The following SLX4IP variants were observed in gnomAD, a reference collection of about 807,000 sequenced individuals.
The protein encoded by SLX4IP is protein SLX4IP.
A neutral mutation model predicts 32.9 loss-of-function variants in SLX4IP; 34 were observed. The observed-to-expected ratio is 1.03, with a 90% CI of 0.79 to 1.38. The LOEUF (loss-of-function observed/expected upper bound fraction) is 1.38, where lower values mean the gene tolerates loss of function less well. SLX4IP is among the 40% of genes most tolerant of loss of function. SLX4IP has a pLI of 0.00. For missense variants in SLX4IP, 444 were observed against 479.0 expected, an observed-to-expected ratio of 0.93 and a Z score of 0.68; for synonymous variants, 172 against 171.7, an observed-to-expected ratio of 1.00 and a Z score of -0.01.
chr20:10,597,879 C>T (rs756190298), intron 4 of SLX4IP, among the ~76,000 whole-genome samples: 1 of 152,160 alleles, frequency 6.6e-6, no homozygotes, highest in African/African-American at 2.4e-5. Context: ...TCACTTAGGC[C>T]ACTCTGGTGA....
chr20:10,538,955 T>G (rs1313918536), intron 2 of SLX4IP, among the ~76,000 whole-genome samples: 2 of 152,238 alleles, frequency 1.3e-5, no homozygotes, highest in Non-Finnish European at 2.9e-5. Flanking sequence ...GGGAATAAGT[T>G]TCCTGTTGAG....
chr20:10,620,000 A>C (rs1307331160), intron 6 of SLX4IP, among the ~76,000 whole-genome samples: 1 of 152,206 alleles, frequency 6.6e-6, no homozygotes, highest in Non-Finnish European at 1.5e-5. Context: ...ACAATTGAAG[A>C]GTGTGAAGAG....
At chr20:10,580,389 C>T (rs1363874485) in intron 4 of SLX4IP, among the ~76,000 whole-genome samples, 1 of 151,922 alleles carries the variant, frequency 6.6e-6, no homozygotes, top group African/African-American at 2.4e-5. Context: ...TTCTCAGTCC[C>T]AGCAGAATGC....
In SLX4IP at chr20:10,564,730, T is replaced by C. The variant is rs577923712; in HGVS notation, c.238+3910T>C. On this transcript the variant is annotated intron_variant, in intron 4 of 7. Transcript: ENST00000334534. ...TCAAAGAACAGCATAGTACAGACATTGCCAATAGCCTCATTGTTTTTAAGA... is the reference window on the plus strand; with the variant it reads ...TCAAAGAACAGCATAGTACAGACATCGCCAATAGCCTCATTGTTTTTAAGA... Among the ~76,000 whole-genome samples the C allele has an allele frequency of 5.9e-5, 9 of 152,320 alleles. No homozygotes were observed. In the East Asian group the frequency reaches 1.7e-3, roughly 29 times the overall value.
intron 1 of SLX4IP, among the ~76,000 whole-genome samples, chr20:10,457,434 G>A (rs1280544533): frequency 7.4e-6 from 1 of 134,338 alleles, no homozygotes; most frequent in East Asian, 2.0e-4. Context: ...AATTAAAAAA[G>A]CATTTTGGGT....
At chr20:10,603,298 T>C (rs6133975) in intron 6 of SLX4IP, among the ~76,000 whole-genome samples, 1 of 152,372 alleles carries the variant, frequency 6.6e-6, no homozygotes, top group East Asian at 1.9e-4. Context: ...TTAAAACATC[T>C]CAATACAAAT....
Position 10,570,579 on chromosome 20 carries a change from A to G in SLX4IP, c.238+9759A>G, listed in dbSNP as rs745682973. ...AGTCTTGCTTCTTTGCCCAGGCTGG[A>G]GTGCAGTGGTACGATCTCAGCTCAT... On this transcript the variant is annotated intron_variant, in intron 4 of 7. Transcript: ENST00000334534. 4.0e-4 allele frequency among the ~76,000 whole-genome samples: 60 copies of G among 149,508 alleles called. 1 individual carries two copies. Among genetic ancestry groups the G allele is most frequent in the Non-Finnish European group, 8.1e-4 (55 of 67,650 alleles).
chr20:10,545,113 G>A (rs895707297), intron 2 of SLX4IP, among the ~76,000 whole-genome samples: 1 of 152,058 alleles, frequency 6.6e-6, no homozygotes, highest in Admixed American at 6.6e-5. Flanking sequence ...TCTGGGAACC[G>A]GCTGCTGGTA....
intron 3 of SLX4IP, among the ~76,000 whole-genome samples, chr20:10,557,948 G>A (rs149688800): frequency 0.011 from 1,640 of 152,348 alleles, 32 homozygotes; most frequent in African/African-American, 0.037. Flanking sequence ...GAGCAGTGCT[G>A]CACTGGCAGC....
intron 4 of SLX4IP, among the ~76,000 whole-genome samples, chr20:10,574,541 T>C (rs775435371): frequency 9.2e-5 from 14 of 152,122 alleles, no homozygotes; most frequent in Non-Finnish European, 2.1e-4. Context: ...CCAGTATTAC[T>C]TTTGCATCTG....
chr20:10,464,322 T>G (rs2065362827), intron 2 of SLX4IP, among the ~76,000 whole-genome samples: 1 of 152,092 alleles, frequency 6.6e-6, no homozygotes, highest in African/African-American at 2.4e-5. Flanking sequence ...ACACCCAGCT[T>G]GAGACCTCAC....
At chr20:10,465,951 T>G (rs747171125) in intron 2 of SLX4IP, among the ~76,000 whole-genome samples, 8 of 152,214 alleles carry the variant, frequency 5.3e-5, no homozygotes, top group Non-Finnish European at 1.0e-4. Flanking sequence ...TGGTACCTTA[T>G]CAGAATAAGC....
intron 2 of SLX4IP, among the ~76,000 whole-genome samples, chr20:10,522,335 T>G (rs533842984): frequency 1.4e-4 from 21 of 152,290 alleles, no homozygotes; most frequent in South Asian, 6.2e-4. Flanking sequence ...CAGAAATCAG[T>G]GTTTTCAATC....
At chr20:10,505,702 C>T (rs540757591) in intron 2 of SLX4IP, among the ~76,000 whole-genome samples, 2 of 152,226 alleles carry the variant, frequency 1.3e-5, no homozygotes, top group East Asian at 3.9e-4. Context: ...ATCTATTGGC[C>T]AAAGACCTTG....
chr20:10,470,538 T>C (rs927418391), intron 2 of SLX4IP, among the ~76,000 whole-genome samples: 1 of 152,236 alleles, frequency 6.6e-6, no homozygotes, highest in African/African-American at 2.4e-5. Flanking sequence ...AACACTGATT[T>C]TCAGACTGTT....
chr20:10,445,310 T>TC (rs1183008918), intron 1 of SLX4IP, among the ~76,000 whole-genome samples: 2 of 135,434 alleles, frequency 1.5e-5, no homozygotes, highest in African/African-American at 5.3e-5. Context: ...CTTTTTTCTT[T>TC]CTTTTTTTTT....
At chr20:10,610,361 C>T (rs2066951941) in intron 6 of SLX4IP, among the ~76,000 whole-genome samples, 1 of 152,252 alleles carries the variant, frequency 6.6e-6, no homozygotes, top group Admixed American at 6.5e-5. Flanking sequence ...GTATTCACTA[C>T]TAACCCAAAT....
At chr20:10,543,121 A>T (rs1002434354) in intron 2 of SLX4IP, among the ~76,000 whole-genome samples, 5 of 152,132 alleles carry the variant, frequency 3.3e-5, no homozygotes, top group African/African-American at 1.2e-4. Context: ...TTGTTCATAG[A>T]TTCATTTCAT....
chr20:10,581,744 C>T (rs2066588546), intron 4 of SLX4IP, among the ~76,000 whole-genome samples: 1 of 151,994 alleles, frequency 6.6e-6, no homozygotes, highest in African/African-American at 2.4e-5. Context: ...AGTGATACCC[C>T]ATCTCTACAA....
Sources: gnomAD v4.1 joint callset for allele counts (sites outside exome capture counted in the v4.1 genomes callset) on GRCh38, gnomAD v4.1.1 for gene constraint, MANE v1.5 for transcripts, NCBI Gene and HGNC (gene_info 2026-07-23, HGNC 2026-07-21) for gene names.